The following SPINK5 variants were observed in gnomAD, a reference collection of about 807,000 sequenced individuals.
SPINK5 encodes the protein serine protease inhibitor Kazal-type 5.
A neutral mutation model predicts 151.8 loss-of-function variants in SPINK5; 125 were observed. The observed-to-expected ratio is 0.82, with a 90% CI of 0.71 to 0.96. The LOEUF is 0.96. Ranked by LOEUF, SPINK5 falls within the 40% of genes least tolerant of loss-of-function variation. SPINK5 has a pLI of 0.00. For missense variants in SPINK5, 1,194 were observed against 1,291.9 expected (o/e 0.92, Z 1.16); for synonymous variants, 374 against 395.3 (o/e 0.95, Z 0.64).
At chr5:148,136,406 G>A (rs73271186) in intron 32 of SPINK5, among the ~76,000 whole-genome samples, 2,157 of 152,200 alleles carry the variant, frequency 0.014, 56 homozygotes, top group African/African-American at 0.049. Flanking sequence ...TGCTGCTCGT[G>A]CCCCAGGTGG....
In SPINK5 at chr5:148,087,571, G is replaced by A. The variant is rs1370667124; in HGVS notation, c.411-971G>A. On this transcript the variant is annotated intron_variant, in intron 5 of 32. Coordinates refer to ENST00000256084, the MANE Select transcript of SPINK5 (RefSeq NM_006846.4). ...CACCAAGGGTCAACATAGAGAAACCGAAAACAAACGTAGATATATGAAGAA... is the reference window on the plus strand; with the variant it reads ...CACCAAGGGTCAACATAGAGAAACCAAAAACAAACGTAGATATATGAAGAA... Among the ~76,000 whole-genome samples the A allele has an allele frequency of 4.6e-5, 7 of 151,790 alleles. No individual in the cohort carries two copies. The East Asian group carries it at 5.9e-4, about 13-fold the overall frequency.
chr5:148,118,016 T>TG (rs1299981014), intron 22 of SPINK5, among the ~76,000 whole-genome samples: 69 of 148,336 alleles, frequency 4.7e-4, no homozygotes, highest in Non-Finnish European at 8.7e-4. Flanking sequence ...GTTAGGGGTT[T>TG]TTTTGTTTGT....
chr5:148,083,044 T>G (rs1034743637), intron 4 of SPINK5, among the ~76,000 whole-genome samples: 8 of 151,310 alleles, frequency 5.3e-5, no homozygotes, highest in Admixed American at 5.3e-4. Flanking sequence ...CTAACTCCAG[T>G]TATTGATTTA....
intron 24 of SPINK5, among the ~76,000 whole-genome samples, chr5:148,119,365 G>C (rs1283813368): frequency 6.6e-6 from 1 of 152,190 alleles, no homozygotes; most frequent in Admixed American, 6.5e-5. Context: ...ATGAGGTTTT[G>C]CAAGTATACT....
intron 26 of SPINK5, 109 bp downstream of exon 26, chr5:148,120,500 A>G (rs2113196077): frequency 2.2e-6 from 3 of 1,355,542 alleles, no homozygotes; most frequent in Middle Eastern, 1.8e-4. Context: ...CATTGGTGAT[A>G]TAACGGTAAA....
intron 2 of SPINK5, 63 bp from the exon 3 acceptor site, chr5:148,070,260 T>C (rs1163318923): frequency 4.5e-6 from 7 of 1,569,796 alleles, no homozygotes; most frequent in Non-Finnish European, 5.2e-6. Flanking sequence ...TACATATATA[T>C]ATCAAAATAA....
Position 148,112,916 on chromosome 5 carries a change from C to A in SPINK5, c.1869C>A (p.Val623=), listed in dbSNP as rs867634208. The A allele has an allele frequency of 1.9e-6, 3 of 1,613,614 alleles. No individual in the cohort carries two copies. The highest frequency in any genetic ancestry group is 2.5e-6 in the Non-Finnish European group (3 of 1,179,870). ...AAAGAGCTGAACCCAGAGCAAAAGT[C>A]AAAAGAGAAGCTGAAAAGGTAGTAA... ...EKERAEPRAK[V]KREAEKETCD... is the part of the protein sequence containing the mutation. Residue 623 remains valine (V), a synonymous_variant, in exon 20 of 33, where the codon GTC becomes GTA. Transcript: ENST00000256084.
intron 2 of SPINK5, among the ~76,000 whole-genome samples, chr5:148,065,752 G>T (rs1309666775): frequency 2.6e-5 from 4 of 152,256 alleles, no homozygotes. Context: ...TAATCATTAT[G>T]CAAAAGAGGG....
intron 32 of SPINK5, among the ~76,000 whole-genome samples, chr5:148,135,590 A>C (rs1340342445): frequency 1.3e-5 from 2 of 152,206 alleles, no homozygotes; most frequent in African/African-American, 4.8e-5. Flanking sequence ...AATGAAACAA[A>C]AATTAACGTG....
intron 15 of SPINK5, among the ~76,000 whole-genome samples, chr5:148,103,937 C>T (rs1016565468): frequency 1.3e-5 from 2 of 152,028 alleles, no homozygotes; most frequent in Non-Finnish European, 2.9e-5. Flanking sequence ...GCTGTAGATC[C>T]AATCCACCAA....
At chr5:148,124,715 G>C in intron 27 of SPINK5, 50 bp from the exon 28 acceptor site, 1 of 1,441,206 alleles carries the variant, frequency 6.9e-7, no homozygotes, top group Non-Finnish European at 9.3e-7. Context: ...AGACAATTCA[G>C]TAACAACCCT....
chr5:148,110,094 C>T (rs1276215276), intron 18 of SPINK5, among the ~76,000 whole-genome samples: 1 of 152,118 alleles, frequency 6.6e-6, no homozygotes, highest in African/African-American at 2.4e-5. Flanking sequence ...CATTTCCCTA[C>T]CAGTAAGGTC....
chr5:148,124,074 CT>C, intron 27 of SPINK5, 114 bp downstream of exon 27: 6 of 1,184,212 alleles, frequency 5.1e-6, no homozygotes, highest in Non-Finnish European at 7.3e-6. Context: ...GATATGATAC[CT>C]CCTCTCTTTT....
At chr5:148,106,470 C>T (rs1245489782) in intron 16 of SPINK5, among the ~76,000 whole-genome samples, 1 of 151,898 alleles carries the variant, frequency 6.6e-6, no homozygotes, top group East Asian at 1.9e-4. Context: ...TACAGGCACA[C>T]ACCACCATGC....
chr5:148,071,653 G>A (rs1024247183), intron 3 of SPINK5, among the ~76,000 whole-genome samples: 5 of 139,554 alleles, frequency 3.6e-5, no homozygotes, highest in Admixed American at 3.0e-4. Context: ...TATGACTTAC[G>A]TAAATTATGT....
intron 2 of SPINK5, among the ~76,000 whole-genome samples, chr5:148,067,468 G>A (rs1752615621): frequency 6.6e-6 from 1 of 152,142 alleles, no homozygotes; most frequent in Non-Finnish European, 1.5e-5. Flanking sequence ...ATATGCTTCT[G>A]TTTCAACCCT....
chr5:148,123,459 T>TA (rs1438973655), intron 26 of SPINK5, among the ~76,000 whole-genome samples: 37 of 30,402 alleles, frequency 1.2e-3, no homozygotes, highest in Non-Finnish European at 2.2e-3. Context: ...ATATATAATC[T>TA]TGTTATATAT....
At chr5:148,125,887 G>T in intron 29 of SPINK5, 37 bp downstream of exon 29, 4 of 1,614,004 alleles carry the variant, frequency 2.5e-6, no homozygotes, top group Non-Finnish European at 3.4e-6. Context: ...GTAGCTAGCA[G>T]GGGAACTGCA....
intron 30 of SPINK5, among the ~76,000 whole-genome samples, chr5:148,128,629 C>T (rs1360297616): frequency 6.6e-6 from 1 of 152,096 alleles, no homozygotes; most frequent in Non-Finnish European, 1.5e-5. Context: ...CCGCAGTTCA[C>T]GCCATTCTCC....
Sources: gnomAD v4.1 joint callset for allele counts (sites outside exome capture counted in the v4.1 genomes callset) on GRCh38, gnomAD v4.1.1 for gene constraint, MANE v1.5 for transcripts, NCBI Gene and HGNC (gene_info 2026-07-23, HGNC 2026-07-21) for gene names.